The following TOP2B variants were observed in gnomAD, a reference collection of about 807,000 sequenced individuals.
TOP2B encodes the protein DNA topoisomerase II beta.
In TOP2B, 51 loss-of-function variants were observed where a neutral mutation model predicts 193.5. The observed-to-expected ratio is 0.26, with a 90% CI of 0.21 to 0.33. The LOEUF (loss-of-function observed/expected upper bound fraction) is 0.33, where lower values mean the gene tolerates loss of function less well. Ranked by LOEUF, TOP2B falls within the 10% of genes least tolerant of loss-of-function variation. The probability of loss-of-function intolerance (pLI) is 1.00; values close to 1 mark genes in which losing one functional copy is unlikely to be tolerated. For missense variants in TOP2B, 1,378 were observed against 1,909.3 expected (o/e 0.72, Z 5.19); for synonymous variants, 634 against 635.7 (o/e 1.00, Z 0.04).
At chr3:25,624,661 G>A (rs947883377) in intron 19 of TOP2B, 21 bp downstream of exon 19, 1 of 1,610,828 alleles carries the variant, frequency 6.2e-7, no homozygotes, top group Admixed American at 1.7e-5. Flanking sequence ...GTTCTCAATT[G>A]ATTCCAATCT....
At chr3:25,655,111 A>C (rs1199462610) in intron 1 of TOP2B, among the ~76,000 whole-genome samples, 1 of 152,186 alleles carries the variant, frequency 6.6e-6, no homozygotes, top group Admixed American at 6.5e-5. Flanking sequence ...ACAGAGTGAA[A>C]AGGCAGCGTA....
Position 25,599,535 on chromosome 3 carries a change from A to T in TOP2B, c.4616-6T>A, listed in dbSNP as rs771175244. The T allele has an allele frequency of 2.5e-6, 4 of 1,607,928 alleles. 1 individual carries two copies. The highest frequency in any genetic ancestry group is 2.2e-5 in the South Asian group (2 of 89,788). On this transcript the variant is annotated splice_region_variant and splice_polypyrimidine_tract_variant and intron_variant, in intron 34 of 35. Coordinates refer to ENST00000264331, the MANE Select transcript of TOP2B (RefSeq NM_001330700.2). ...CTTTGCCCCTCGGCCTTTACCTTAA[A>T]ATGATACAAAAGGTTTTTTCTTCCG...
intron 1 of TOP2B, among the ~76,000 whole-genome samples, chr3:25,653,303 A>G (rs959307273): frequency 6.6e-6 from 1 of 152,168 alleles, no homozygotes; most frequent in Non-Finnish European, 1.5e-5. Context: ...TGATACAAAA[A>G]CTAGAAGACA....
At chr3:25,627,933 T>A (rs902357311) in intron 15 of TOP2B, among the ~76,000 whole-genome samples, 1 of 151,774 alleles carries the variant, frequency 6.6e-6, no homozygotes, top group Non-Finnish European at 1.5e-5. Context: ...TAGTGGCACA[T>A]GCCTGTAATC....
chr3:25,639,367 G>A (rs1171099775), intron 4 of TOP2B, among the ~76,000 whole-genome samples: 1 of 144,312 alleles, frequency 6.9e-6, no homozygotes, highest in East Asian at 2.0e-4. Flanking sequence ...GGAGTGCAAT[G>A]ACACGATCTC....
At chr3:25,615,686 T>C in intron 25 of TOP2B, 100 bp from the exon 26 acceptor site, 1 of 1,006,126 alleles carries the variant, frequency 9.9e-7, no homozygotes, top group Middle Eastern at 3.3e-4. Flanking sequence ...AGTGCTACAC[T>C]ATAAATGCTA....
chr3:25,640,477 G>A (rs769725720), intron 4 of TOP2B, among the ~76,000 whole-genome samples: 1 of 151,980 alleles, frequency 6.6e-6, no homozygotes, highest in South Asian at 2.1e-4. Context: ...AGCAGAAGCA[G>A]TTAAAATGAG....
chr3:25,664,371 GCCGCTCCGCACCCA>G lies in TOP2B; in HGVS notation c.-88_-75del, dbSNP rs1470757281. 1.1e-4 allele frequency: 151 copies of G among 1,378,906 alleles called. No individual in the cohort carries two copies. Among genetic ancestry groups the G allele is most frequent in the Non-Finnish European group, 1.4e-4 (147 of 1,078,292 alleles). The allele number at this position is 1,378,906 out of a possible 1,614,324, so 85.4% of individuals were successfully genotyped here. ...GCCTCCCTGCGGGCCGCTGGGCCCC[GCCGCTCCGCACCCA>G]CCGCTCCACTCGCCGCACTCCTAGC... On this transcript the variant is annotated 5_prime_UTR_variant, in exon 1 of 36. Transcript: ENST00000264331.
At chr3:25,655,857 G>C (rs1264737018) in intron 1 of TOP2B, among the ~76,000 whole-genome samples, 2 of 152,168 alleles carry the variant, frequency 1.3e-5, no homozygotes, top group African/African-American at 2.4e-5. Flanking sequence ...AAAGTAGAAA[G>C]GTGGTTAACC....
chr3:25,623,423 A>AC (rs1702715031), intron 21 of TOP2B, 92 bp downstream of exon 21: 1 of 1,177,220 alleles, frequency 8.5e-7, no homozygotes, highest in African/African-American at 1.5e-5. Flanking sequence ...ATGTTCTAAA[A>AC]TAAAAATGTT....
At chr3:25,624,635 C>T in intron 19 of TOP2B, 47 bp downstream of exon 19, 1 of 1,601,234 alleles carries the variant, frequency 6.2e-7, no homozygotes, top group Non-Finnish European at 8.5e-7. Context: ...TATCATTCTT[C>T]AAGACAATAA....
intron 1 of TOP2B, among the ~76,000 whole-genome samples, chr3:25,661,361 CACTTTTTGAGA>C (rs1470832874): frequency 6.6e-6 from 1 of 152,146 alleles, no homozygotes; most frequent in Non-Finnish European, 1.5e-5. Flanking sequence ...CTCTGGTTAC[CACTTTTTGAGA>C]TGCTTAACAT....
chr3:25,623,402 C>A (rs185370451), intron 21 of TOP2B, 113 bp downstream of exon 21: 3 of 945,080 alleles, frequency 3.2e-6, no homozygotes, highest in Non-Finnish European at 1.6e-6. Context: ...TAGGTCTTTA[C>A]GGTCTACAAT....
chr3:25,649,526 C>G (rs1215498572), intron 1 of TOP2B, among the ~76,000 whole-genome samples: 3 of 150,752 alleles, frequency 2.0e-5, no homozygotes, highest in Non-Finnish European at 2.9e-5. Context: ...TACAAAGGAG[C>G]TTCTGTTAGA....
intron 15 of TOP2B, 59 bp downstream of exon 15, chr3:25,628,788 G>T: frequency 2.0e-6 from 2 of 1,018,908 alleles, no homozygotes; most frequent in Non-Finnish European, 2.8e-6. Context: ...CTTTTAGATT[G>T]CTTTCATAAG....
chr3:25,652,464 A>T (rs1703620012), intron 1 of TOP2B, among the ~76,000 whole-genome samples: 1 of 152,216 alleles, frequency 6.6e-6, no homozygotes. Context: ...GACTATAATC[A>T]TATAAGGTAT....
At chr3:25,635,799 T>C in intron 7 of TOP2B, 137 bp downstream of exon 7, 1 of 649,098 alleles carries the variant, frequency 1.5e-6, no homozygotes. Context: ...GCCAAATGTA[T>C]CAATAATCAC....
intron 1 of TOP2B, among the ~76,000 whole-genome samples, chr3:25,656,834 A>C (rs1446502822): frequency 6.6e-6 from 1 of 152,224 alleles, no homozygotes; most frequent in African/African-American, 2.4e-5. Flanking sequence ...AAATTTCTAC[A>C]ATGAATGCAT....
chr3:25,610,132 C>T (rs1441030254), intron 28 of TOP2B, among the ~76,000 whole-genome samples: 3 of 151,008 alleles, frequency 2.0e-5, no homozygotes, highest in Non-Finnish European at 2.9e-5. Context: ...ATCTGAGAGG[C>T]GGAGATTGCG....
Sources: allele counts gnomAD v4.1 joint callset (sites outside exome capture counted in the v4.1 genomes callset), GRCh38; gene constraint gnomAD v4.1.1; transcripts MANE v1.5; gene names NCBI Gene and HGNC (gene_info 2026-07-23, HGNC 2026-07-21).